Variants in IQGAP2 observed in about 807,000 individuals in gnomAD.
The protein encoded by IQGAP2 is IQ motif containing GTPase activating protein 2.
A neutral mutation model predicts 201.3 loss-of-function variants in IQGAP2; 173 were observed. The observed-to-expected ratio is 0.86, with a 90% confidence interval of 0.76 to 0.98. The LOEUF is 0.98. Ranked by LOEUF, IQGAP2 falls within the 50% of genes least tolerant of loss-of-function variation. The probability of loss-of-function intolerance (pLI) is 0.00; values close to 1 mark genes in which losing one functional copy is unlikely to be tolerated. For missense variants in IQGAP2, 1,687 were observed against 1,864.8 expected (o/e 0.90, Z 1.76); for synonymous variants, 675 against 673.9 (o/e 1.00, Z -0.03).
intron 2 of IQGAP2, among the ~76,000 whole-genome samples, chr5:76,535,102 G>A (rs1245506490): frequency 6.6e-6 from 1 of 152,148 alleles, no homozygotes; most frequent in Non-Finnish European, 1.5e-5. Context: ...TGGACCTCAG[G>A]GCCTAGGTCC....
chr5:76,678,704 G>A (rs1044367982), intron 28 of IQGAP2, among the ~76,000 whole-genome samples: 1 of 152,144 alleles, frequency 6.6e-6, no homozygotes, highest in Non-Finnish European at 1.5e-5. Flanking sequence ...ATTATACAGA[G>A]AACCAAAGGG....
Position 76,502,649 on chromosome 5 carries a change from G to C in IQGAP2, c.146+40980G>C, listed in dbSNP as rs188401697. On this transcript the variant is annotated intron_variant, in intron 2 of 35. Transcript: ENST00000274364. Reference sequence around the variant, plus strand: ...AGATTTTTTTAAAACTGTGATTGTGGGAATAGTGCAACATAAAATAGTTTT... The same window carrying C: ...AGATTTTTTTAAAACTGTGATTGTGCGAATAGTGCAACATAAAATAGTTTT... 3.9e-5 allele frequency among the ~76,000 whole-genome samples: 6 copies of C among 152,210 alleles called. No homozygotes were observed. The East Asian group carries it at 1.2e-3, about 29-fold the overall frequency.
chr5:76,547,426 T>G, intron 2 of IQGAP2: 1 of 981,400 alleles, frequency 1.0e-6, no homozygotes, highest in South Asian at 4.7e-5. Flanking sequence ...GGAAGTCAAG[T>G]GTAGGAAGGA....
chr5:76,554,087 G>A (rs183618210), intron 2 of IQGAP2, among the ~76,000 whole-genome samples: 1 of 152,136 alleles, frequency 6.6e-6, no homozygotes, highest in Non-Finnish European at 1.5e-5. Context: ...TTCAATAAAG[G>A]TGCCAAGACA....
At chr5:76,483,137 G>A (rs1179700360) in intron 2 of IQGAP2, among the ~76,000 whole-genome samples, 1 of 152,200 alleles carries the variant, frequency 6.6e-6, no homozygotes, top group Admixed American at 6.5e-5. Context: ...GTCAAAGAAT[G>A]TGCGCCTTCA....
intron 15 of IQGAP2, among the ~76,000 whole-genome samples, chr5:76,634,340 C>G (rs1354648141): frequency 6.6e-6 from 1 of 152,010 alleles, no homozygotes; most frequent in Non-Finnish European, 1.5e-5. Context: ...TGGCTCACTG[C>G]AACCTCAGCC....
At chr5:76,513,055 A>G (rs969524154) in intron 2 of IQGAP2, among the ~76,000 whole-genome samples, 1 of 56,686 alleles carries the variant, frequency 1.8e-5, no homozygotes, top group Non-Finnish European at 2.9e-5. Flanking sequence ...AGTCTGTCTC[A>G]AAAAGAAAAA....
intron 17 of IQGAP2, among the ~76,000 whole-genome samples, chr5:76,644,017 G>A (rs979302809): frequency 1.3e-5 from 2 of 151,922 alleles, no homozygotes; most frequent in African/African-American, 2.4e-5. Context: ...TCAGAAGTTG[G>A]CATTGGTAAT....
rs946136615 is a variant in IQGAP2 at position 76,654,126 on chromosome 5, C to T, written c.2179-74C>T. On this transcript the variant is annotated intron_variant, in intron 18 of 35. Coordinates refer to ENST00000274364, the MANE Select transcript of IQGAP2 (RefSeq NM_006633.5). ...AGAAAAACTACACAAAACCGTATTACGGGTTGTTTGGTGATTACTTTGACT... is the reference window on the plus strand; with the variant it reads ...AGAAAAACTACACAAAACCGTATTATGGGTTGTTTGGTGATTACTTTGACT... 5.1e-5 allele frequency: 50 copies of T among 974,000 alleles called. No homozygotes were observed. The African/African-American group carries it at 6.3e-4, about 12-fold the overall frequency. 60.3% of individuals were successfully genotyped at this position (974,000 alleles called of 1,614,324 possible).
At chr5:76,672,720 A>T (rs958254746) in intron 24 of IQGAP2, among the ~76,000 whole-genome samples, 1 of 152,184 alleles carries the variant, frequency 6.6e-6, no homozygotes, top group Non-Finnish European at 1.5e-5. Flanking sequence ...TAGAATGTCG[A>T]TTACACAAAT....
Position 76,676,008 on chromosome 5 carries a change from G to A in IQGAP2, c.3528-1210G>A, listed in dbSNP as rs1744775216. ...AGATGGGAGGATCACTTGAGCCTTG[G>A]AGGTCAAGGCTGCAGTGAGCCGTGT... On this transcript the variant is annotated intron_variant, in intron 27 of 35. Transcript: ENST00000274364. Among the ~76,000 whole-genome samples the A allele has an allele frequency of 2.0e-5, 3 of 151,634 alleles. No homozygotes were observed. In the South Asian group the frequency reaches 6.3e-4, roughly 32 times the overall value.
chr5:76,689,233 A>T (rs992254554), intron 30 of IQGAP2, among the ~76,000 whole-genome samples: 6 of 137,854 alleles, frequency 4.4e-5, no homozygotes, highest in Non-Finnish European at 8.0e-5. Context: ...GGATATTTAA[A>T]AAAAAAAAAA....
At chr5:76,683,968 A>C (rs763509656) in intron 30 of IQGAP2, 51 bp downstream of exon 30, 1 of 1,505,836 alleles carries the variant, frequency 6.6e-7, no homozygotes, top group South Asian at 1.3e-5. Flanking sequence ...ATCTTAAATG[A>C]TGCAAATTCA....
intron 16 of IQGAP2, among the ~76,000 whole-genome samples, chr5:76,638,238 G>A (rs1033421555): frequency 6.6e-6 from 1 of 152,152 alleles, no homozygotes; most frequent in Non-Finnish European, 1.5e-5. Context: ...AATTAGCTGG[G>A]CATGGTGGCG....
At chr5:76,690,976 G>A (rs1746210212) in intron 30 of IQGAP2, among the ~76,000 whole-genome samples, 1 of 152,232 alleles carries the variant, frequency 6.6e-6, no homozygotes, top group South Asian at 2.1e-4. Flanking sequence ...TCAGTCCTGA[G>A]AGATTCCTGT....
intron 1 of IQGAP2, among the ~76,000 whole-genome samples, chr5:76,436,490 TATATATATATATATATATATATA>T (rs1561369975): frequency 5.9e-5 from 1 of 16,912 alleles, no homozygotes; most frequent in Non-Finnish European, 1.2e-4. Flanking sequence ...TATATATATA[TATATATATATATATATATATATA>T]TATATTTTTT....
In IQGAP2 at chr5:76,673,566, C is replaced by G; in HGVS notation, c.3186C>G (p.Ile1062Met). 6.2e-7 allele frequency: 1 copy of G among 1,613,972 alleles called. No homozygotes were observed. ...RRVTDKVLNS[I>M]ISSLDLLPYG... Reference sequence around the variant, plus strand: ...TCACCGACAAAGTCCTGAATTCTATCATTTCTTCCCTTGATCTACTGCCGT... The same window carrying G: ...TCACCGACAAAGTCCTGAATTCTATGATTTCTTCCCTTGATCTACTGCCGT... The change falls in exon 25 of 36, where the codon ATC becomes ATG. Residue 1062 changes from isoleucine to methionine, a missense_variant. Ile to Met is a conservative substitution (Grantham distance 10). Coordinates refer to ENST00000274364, the MANE Select transcript of IQGAP2 (RefSeq NM_006633.5).
intron 10 of IQGAP2, among the ~76,000 whole-genome samples, chr5:76,600,434 T>G (rs1747350153): frequency 6.6e-6 from 1 of 152,232 alleles, no homozygotes; most frequent in Admixed American, 6.5e-5. Context: ...AATCGTTAGC[T>G]GTGCTAAAAT....
chr5:76,628,255 C>T (rs1319786638), intron 14 of IQGAP2, among the ~76,000 whole-genome samples: 1 of 152,182 alleles, frequency 6.6e-6, no homozygotes, highest in Non-Finnish European at 1.5e-5. Flanking sequence ...TTGCTCTGAA[C>T]TGACACTAAT....
Sources: allele counts gnomAD v4.1 joint callset (sites outside exome capture counted in the v4.1 genomes callset), GRCh38; gene constraint gnomAD v4.1.1; transcripts MANE v1.5; gene names NCBI Gene and HGNC (gene_info 2026-07-23, HGNC 2026-07-21).